NKAIN2: variants seen among roughly 807,000 people sequenced by gnomAD.
NKAIN2 encodes the protein sodium/potassium transporting ATPase interacting 2.
Under a neutral mutation model 32.6 loss-of-function variants are expected in NKAIN2, and 14 were observed. That is an observed-to-expected ratio of 0.43 (90% CI 0.28 to 0.67). NKAIN2 has a LOEUF of 0.67. Among genes scored for constraint, NKAIN2 ranks in the 30% least tolerant of loss-of-function variants. NKAIN2 has a pLI of 0.17. For synonymous variants in NKAIN2, 80 were observed against 87.2 expected (o/e 0.92, Z 0.46); for missense variants, 198 against 258.3 (o/e 0.77, Z 1.60).
intron 1 of NKAIN2, among the ~76,000 whole-genome samples, chr6:124,188,909 A>G (rs1342306846): frequency 6.6e-6 from 1 of 152,206 alleles, no homozygotes; most frequent in African/African-American, 2.4e-5. Flanking sequence ...GATTCCTCCC[A>G]TAACAGCTTG....
chr6:123,905,290 C>T (rs987036168), intron 1 of NKAIN2, among the ~76,000 whole-genome samples: 15 of 152,042 alleles, frequency 9.9e-5, no homozygotes, highest in South Asian at 8.4e-4. Context: ...CATAGAGGGG[C>T]CTCGGTGGGT....
chr6:123,962,996 G>C (rs1251791267), intron 1 of NKAIN2, among the ~76,000 whole-genome samples: 1 of 152,098 alleles, frequency 6.6e-6, no homozygotes, highest in Non-Finnish European at 1.5e-5. Context: ...TTTTATTATT[G>C]GTGGTTAAAG....
chr6:124,259,964 T>G (rs1794156543), intron 1 of NKAIN2, among the ~76,000 whole-genome samples: 1 of 152,222 alleles, frequency 6.6e-6, no homozygotes, highest in Non-Finnish European at 1.5e-5. Context: ...TGATTAATAT[T>G]CTTTATTGAT....
intron 3 of NKAIN2, among the ~76,000 whole-genome samples, chr6:124,576,011 G>A (rs982719879): frequency 2.0e-5 from 3 of 152,212 alleles, no homozygotes; most frequent in South Asian, 4.2e-4. Flanking sequence ...GAACTGTTGA[G>A]GTAGAAATTG....
chr6:124,437,796 T>C (rs148168652), intron 3 of NKAIN2: 83 of 358,054 alleles, frequency 2.3e-4, no homozygotes, highest in African/African-American at 1.8e-3. Flanking sequence ...GACTTGGGTT[T>C]TGAAGAATGA....
At chr6:123,831,343 A>T (rs2114913245) in intron 1 of NKAIN2, among the ~76,000 whole-genome samples, 1 of 151,826 alleles carries the variant, frequency 6.6e-6, no homozygotes, top group East Asian at 1.9e-4. Flanking sequence ...CATATTGTGT[A>T]ATATTTAAAT....
At chr6:124,765,651 C>A (rs1331659195) in intron 4 of NKAIN2, among the ~76,000 whole-genome samples, 1 of 152,206 alleles carries the variant, frequency 6.6e-6, no homozygotes, top group African/African-American at 2.4e-5. Context: ...AGAACATGCA[C>A]AAGCATTAAT....
At chr6:124,411,801 C>A (rs375083002) in intron 3 of NKAIN2, among the ~76,000 whole-genome samples, 1 of 152,194 alleles carries the variant, frequency 6.6e-6, no homozygotes, top group Non-Finnish European at 1.5e-5. Flanking sequence ...CCATTCTCTC[C>A]GTCACTTTCA....
intron 1 of NKAIN2, among the ~76,000 whole-genome samples, chr6:123,841,431 G>C (rs1582631407): frequency 6.6e-6 from 1 of 152,174 alleles, no homozygotes; most frequent in Admixed American, 6.5e-5. Context: ...AGGCTGAAAG[G>C]AGTGACTTGC....
chr6:123,958,765 T>C (rs1777711016), intron 1 of NKAIN2, among the ~76,000 whole-genome samples: 1 of 152,248 alleles, frequency 6.6e-6, no homozygotes, highest in African/African-American at 2.4e-5. Context: ...GGGCCTAGGC[T>C]GAATCGCTAC....
At chr6:124,097,810 G>A (rs1376898051) in intron 1 of NKAIN2, among the ~76,000 whole-genome samples, 1 of 152,178 alleles carries the variant, frequency 6.6e-6, no homozygotes, top group African/African-American at 2.4e-5. Context: ...ACTGTAGAGT[G>A]AAAAGGGCTT....
At chr6:124,383,558 T>G (rs1044953951) in intron 3 of NKAIN2, among the ~76,000 whole-genome samples, 12 of 152,150 alleles carry the variant, frequency 7.9e-5, no homozygotes, top group African/African-American at 2.9e-4. Context: ...GGCATGCTCT[T>G]GTGGCCACAC....
intron 4 of NKAIN2, among the ~76,000 whole-genome samples, chr6:124,665,897 T>G (rs1772772225): frequency 6.6e-6 from 1 of 152,154 alleles, no homozygotes; most frequent in South Asian, 2.1e-4. Context: ...TACTTCTCAG[T>G]AAATCGTGAG....
chr6:124,073,866 G>A (rs542648335), intron 1 of NKAIN2, among the ~76,000 whole-genome samples: 15 of 152,106 alleles, frequency 9.9e-5, no homozygotes, highest in African/African-American at 3.6e-4. Flanking sequence ...TAAACAATTG[G>A]GGGTTCTTAG....
intron 1 of NKAIN2, among the ~76,000 whole-genome samples, chr6:123,875,424 A>C (rs2114303465): frequency 6.6e-6 from 1 of 152,064 alleles, no homozygotes; most frequent in Admixed American, 6.5e-5. Context: ...GAGGTTAAAC[A>C]TTTACTCATA....
chr6:124,364,840 A>G (rs1318829042), intron 3 of NKAIN2, among the ~76,000 whole-genome samples: 1 of 152,052 alleles, frequency 6.6e-6, no homozygotes, highest in African/African-American at 2.4e-5. Flanking sequence ...ATTGTTAAAC[A>G]CAAAACAATA....
intron 4 of NKAIN2, among the ~76,000 whole-genome samples, chr6:124,777,245 A>T (rs1038688206): frequency 1.3e-5 from 2 of 152,136 alleles, no homozygotes; most frequent in Admixed American, 1.3e-4. Context: ...TATGAAGTGT[A>T]TATTCTAAAG....
intron 3 of NKAIN2, among the ~76,000 whole-genome samples, chr6:124,511,528 C>T (rs1778713096): frequency 1.0e-5 from 1 of 97,418 alleles, no homozygotes; most frequent in African/African-American, 3.2e-5. Context: ...CATTTCTATA[C>T]ATTTGTAACT....
At chr6:124,125,261 A>AT (rs1180089180) in intron 1 of NKAIN2, among the ~76,000 whole-genome samples, 3 of 152,184 alleles carry the variant, frequency 2.0e-5, no homozygotes, top group Non-Finnish European at 2.9e-5. Context: ...GGGGGCTTGC[A>AT]TGTATAAACA....
Sources: gnomAD v4.1 joint callset for allele counts (sites outside exome capture counted in the v4.1 genomes callset) on GRCh38, gnomAD v4.1.1 for gene constraint, MANE v1.5 for transcripts, NCBI Gene and HGNC (gene_info 2026-07-23, HGNC 2026-07-21) for gene names.